The following MRPS18C variants were observed in gnomAD, a reference collection of about 807,000 sequenced individuals.
MRPS18C encodes the protein mitochondrial ribosomal protein S18C, also known as small ribosomal subunit protein bS18m.
Under a neutral mutation model 21.0 loss-of-function variants are expected in MRPS18C, and 21 were observed. The observed-to-expected ratio is 1.00, with a 90% CI of 0.71 to 1.44. The LOEUF (loss-of-function observed/expected upper bound fraction) is 1.44, where lower values mean the gene tolerates loss of function less well. Ranked by LOEUF, MRPS18C falls within the 40% of genes most tolerant of loss-of-function variation. The probability of loss-of-function intolerance (pLI) is 0.00; values close to 1 mark genes in which losing one functional copy is unlikely to be tolerated. For synonymous variants in MRPS18C, 65 were observed against 54.3 expected, an observed-to-expected ratio of 1.20 and a Z score of -0.87; for missense variants, 152 against 171.5, an observed-to-expected ratio of 0.89 and a Z score of 0.64.
intron 4 of MRPS18C, 90 bp from the exon 5 acceptor site, chr4:83,460,883 G>C: frequency 9.1e-7 from 1 of 1,099,518 alleles, no homozygotes; most frequent in East Asian, 2.4e-5. Context: ...TCCAGCCTGG[G>C]TGACACAGGG....
intron 1 of MRPS18C, 60 bp downstream of exon 1, chr4:83,456,237 T>C (rs761958243): frequency 1.2e-5 from 17 of 1,381,582 alleles, no homozygotes; most frequent in Middle Eastern, 3.6e-4. Context: ...TTAGTCCTAA[T>C]GGTTAGAGTC....
At chr4:83,460,916 A>T in intron 4 of MRPS18C, 57 bp from the exon 5 acceptor site, 2 of 1,447,500 alleles carry the variant, frequency 1.4e-6, no homozygotes, top group Non-Finnish European at 1.9e-6. Flanking sequence ...AAAAAAAAAA[A>T]TTGCAAACTT....
intron 4 of MRPS18C, chr4:83,460,733 G>A (rs1260921438): frequency 4.7e-6 from 2 of 423,980 alleles, no homozygotes; most frequent in East Asian, 4.8e-5. Context: ...GTGAAACCCC[G>A]TTTCTACTAC....
chr4:83,461,516 T>A lies in MRPS18C; in HGVS notation c.*319T>A. Reference sequence around the variant, plus strand: ...ATTTTCCAACTAGCAAATATAAGTATGCCTGGTTAAGATATCTTCCCTTTG... The same window carrying A: ...ATTTTCCAACTAGCAAATATAAGTAAGCCTGGTTAAGATATCTTCCCTTTG... On this transcript the variant is annotated 3_prime_UTR_variant, in exon 6 of 6. Coordinates refer to ENST00000295491, the MANE Select transcript of MRPS18C (RefSeq NM_016067.4). 1 of 333,724 alleles carries A rather than the reference T, an allele frequency of 3.0e-6. No homozygotes were observed. The highest frequency in any genetic ancestry group is 5.7e-6 in the Non-Finnish European group (1 of 176,618). 20.7% of individuals were successfully genotyped at this position (333,724 alleles called of 1,614,324 possible). A position where few individuals can be genotyped will look rare whatever the true frequency, so the allele number is the denominator to read the frequency against.
chr4:83,458,039 A>G (rs1442938010), intron 2 of MRPS18C: 1 of 279,796 alleles, frequency 3.6e-6, no homozygotes, highest in Non-Finnish European at 6.7e-6. Flanking sequence ...TTGTGTTGTA[A>G]GTTTCCTTAA....
rs1721805736 is a variant in MRPS18C at position 83,456,122 on chromosome 4, G to A, written c.45G>A (p.Lys15=). The A allele has an allele frequency of 1.2e-6, 2 of 1,613,292 alleles. No homozygotes were observed. The highest frequency in any genetic ancestry group is 1.7e-6 in the Non-Finnish European group (2 of 1,180,024). Residue 15 remains lysine (K), a synonymous_variant, in exon 1 of 6, where the codon AAG becomes AAA. Coordinates refer to ENST00000295491, the MANE Select transcript of MRPS18C (RefSeq NM_016067.4). ...TTTGCGGTGGTCTAGGGAGGAAGAAGTTGACACACTTGGTAACGGCTGCTG... is the reference window on the plus strand; with the variant it reads ...TTTGCGGTGGTCTAGGGAGGAAGAAATTGACACACTTGGTAACGGCTGCTG... ...VAVCGGLGRK[K]LTHLVTAAVS... is the part of the protein sequence containing the mutation.
Position 83,458,416 on chromosome 4 carries a change from A to C in MRPS18C, c.221A>C (p.Tyr74Ser). The change falls in exon 3 of 6, where the codon TAT becomes TCT. Residue 74 changes from tyrosine (Y) to serine (S), a missense_variant. Physicochemically the swap from Tyr to Ser is moderately radical, Grantham distance 144 (BLOSUM62 -2). This residue lies in a region of MRPS18C where 118 missense variants were observed against 104.4 expected (regional missense o/e 1.13). Coordinates refer to ENST00000295491, the MANE Select transcript of MRPS18C (RefSeq NM_016067.4). ...KCILCGKHVD[Y>S]KNVQLLSQFV... ...ATCTTGTGTGGAAAGCATGTAGATT[A>C]TAAGAATGTACAGGTGAGATCTGGT... 6.3e-7 allele frequency: 1 copy of C among 1,590,828 alleles called. No homozygotes were observed. Among genetic ancestry groups the C allele is most frequent in the Non-Finnish European group, 8.6e-7 (1 of 1,160,864 alleles).
chr4:83,457,032 T>TGG lies in MRPS18C; in HGVS notation c.150+75_150+76dup, dbSNP rs554795386. On this transcript the variant is annotated intron_variant, in intron 2 of 5. Transcript: ENST00000295491. ...ATGTTTTTCTTTTTAAAACGAGATC[T>TGG]GGTATTAGACTCTAACATCTTTTAT... The TGG allele has an allele frequency of 2.1e-3, 2,771 of 1,291,322 alleles. 52 individuals are homozygous for TGG. The highest frequency in any genetic ancestry group is 2.8e-4 in the Non-Finnish European group (253 of 899,810). 80.0% of individuals were successfully genotyped at this position (1,291,322 alleles called of 1,614,324 possible). A position where few individuals can be genotyped will look rare whatever the true frequency, so the allele number is the denominator to read the frequency against.
chr4:83,458,332 G>T lies in MRPS18C; in HGVS notation c.151-14G>T. On this transcript the variant is annotated splice_polypyrimidine_tract_variant and intron_variant, in intron 2 of 5. Transcript: ENST00000295491. ...AACACATCCTATTATCAGACTTTTC[G>T]TTTTTTTCCCTAGCCCATTTCAATG... The T allele has an allele frequency of 6.4e-7, 1 of 1,554,658 alleles. No homozygotes were observed.
Position 83,456,124 on chromosome 4 carries a change from T to A in MRPS18C, c.47T>A (p.Leu16Ter). 1 of 1,613,210 alleles carries A rather than the reference T, an allele frequency of 6.2e-7. No homozygotes were observed. Among genetic ancestry groups the A allele is most frequent in the Non-Finnish European group, 8.5e-7 (1 of 1,179,992 alleles). Residue 16 changes from leucine (L) to a stop codon, truncating the protein, a stop_gained, in exon 1 of 6, where the codon TTG becomes TAG. Coordinates refer to ENST00000295491, the MANE Select transcript of MRPS18C (RefSeq NM_016067.4). LOFTEE classifies it high-confidence loss of function. Reference sequence around the variant, plus strand: ...TGCGGTGGTCTAGGGAGGAAGAAGTTGACACACTTGGTAACGGCTGCTGTC... The same window carrying A: ...TGCGGTGGTCTAGGGAGGAAGAAGTAGACACACTTGGTAACGGCTGCTGTC... ...AVCGGLGRKK[L>*]THLVTAAVSL...
chr4:83,458,770 A>C (rs1721962318), intron 3 of MRPS18C: 2 of 196,806 alleles, frequency 1.0e-5, no homozygotes, highest in Non-Finnish European at 2.0e-5. Context: ...CACCCATATC[A>C]CTGATTCACA....
Position 83,460,970 on chromosome 4 carries a change from C to T in MRPS18C, c.293-3C>T. 1.9e-6 allele frequency: 3 copies of T among 1,593,816 alleles called. No individual in the cohort carries two copies. In the South Asian group the frequency reaches 3.5e-5, roughly 18 times the overall value. ...ATGAATAAGAAAGCTTTTTATTTTACAGGTCTTTGTGGGAAGAAACAGAAA... is the reference window on the plus strand; with the variant it reads ...ATGAATAAGAAAGCTTTTTATTTTATAGGTCTTTGTGGGAAGAAACAGAAA... On this transcript the variant is annotated splice_region_variant and splice_polypyrimidine_tract_variant and intron_variant, in intron 4 of 5. Transcript: ENST00000295491.
In MRPS18C at chr4:83,456,191, A is replaced by AT. The variant is rs775282144; in HGVS notation, c.100+15dup. The AT allele has an allele frequency of 2.0e-5, 32 of 1,607,488 alleles. No homozygotes were observed. In the African/African-American group the frequency reaches 2.9e-4, roughly 15 times the overall value. On this transcript the variant is annotated intron_variant, in intron 1 of 5. Coordinates refer to ENST00000295491, the MANE Select transcript of MRPS18C (RefSeq NM_016067.4). Reference sequence around the variant, plus strand: ...GGACTCACACGGGTAAAGTCTCCATATCCTATGCTCCATTGTAGCGCTGCA... The same window carrying AT: ...GGACTCACACGGGTAAAGTCTCCATATTCCTATGCTCCATTGTAGCGCTGCA...
In MRPS18C at chr4:83,461,309, A is replaced by T. The variant is rs1360533536; in HGVS notation, c.*112A>T. 1.2e-6 allele frequency: 1 copy of T among 840,422 alleles called. No homozygotes were observed. Among genetic ancestry groups the T allele is most frequent in the Non-Finnish European group, 2.0e-6 (1 of 498,840 alleles). 52.1% of individuals were successfully genotyped at this position (840,422 alleles called of 1,614,324 possible). A position where few individuals can be genotyped will look rare whatever the true frequency, so the allele number is the denominator to read the frequency against. ...AAAGTGTTTGAGGAGTGAGGTAAAG[A>T]ATGACACTTCCCCTTCATACCAATG... On this transcript the variant is annotated 3_prime_UTR_variant, in exon 6 of 6. Coordinates refer to ENST00000295491, the MANE Select transcript of MRPS18C (RefSeq NM_016067.4).
chr4:83,458,953 C>T (rs1721968817), intron 3 of MRPS18C: 1 of 152,784 alleles, frequency 6.5e-6, no homozygotes, highest in South Asian at 2.1e-4. Context: ...TGAGACCAGC[C>T]TGGCCAATGT....
In MRPS18C at chr4:83,461,808, A is replaced by C. The variant is rs1355389019; in HGVS notation, c.*611A>C. On this transcript the variant is annotated 3_prime_UTR_variant, in exon 6 of 6. Transcript: ENST00000295491. ...TGCAAAGGACTCTAAACTAGGGGAG[A>C]GATTACTGTTTGTGTTGTGTTATAG... 1 of 228,774 alleles carries C rather than the reference A, an allele frequency of 4.4e-6. No homozygotes were observed. Among genetic ancestry groups the C allele is most frequent in the African/African-American group, 2.2e-5 (1 of 45,100 alleles). 14.2% of individuals were successfully genotyped at this position (228,774 alleles called of 1,614,324 possible). A position where few individuals can be genotyped will look rare whatever the true frequency, so the allele number is the denominator to read the frequency against.
chr4:83,456,171 C>T lies in MRPS18C; in HGVS notation c.94C>T (p.His32Tyr), dbSNP rs763804518. 64 of 1,613,214 alleles carry T rather than the reference C, an allele frequency of 4.0e-5. No individual in the cohort carries two copies. The highest frequency in any genetic ancestry group is 5.2e-5 in the Non-Finnish European group (61 of 1,179,348). The change falls in exon 1 of 6, where the codon CAC (histidine) becomes TAC (tyrosine). Residue 32 changes from histidine to tyrosine, a missense_variant. His to Tyr is a moderately conservative substitution (Grantham distance 83). Coordinates refer to ENST00000295491, the MANE Select transcript of MRPS18C (RefSeq NM_016067.4). ...AAVSLTHPGT[H>Y]TVLWRRGCSQ... The stretch of plus-strand genomic sequence containing the variant: ...TGTCAGCCTTACACATCCCGGGACT[C>T]ACACGGGTAAAGTCTCCATATCCTA...
Position 83,461,901 on chromosome 4 carries a change from T to C in MRPS18C, c.*704T>C. ...TAGGACAAATTTAAATTTTAGATGA[T>C]GTTTTGCAAATTTATTGCATGATAT... On this transcript the variant is annotated 3_prime_UTR_variant, in exon 6 of 6. Coordinates refer to ENST00000295491, the MANE Select transcript of MRPS18C (RefSeq NM_016067.4). 1 of 229,010 alleles carries C rather than the reference T, an allele frequency of 4.4e-6. No individual in the cohort carries two copies. The highest frequency in any genetic ancestry group is 1.3e-3 in the Middle Eastern group (1 of 754). The allele number at this position is 229,010 out of a possible 1,614,324, so 14.2% of individuals were successfully genotyped here.
chr4:83,461,348 T>C lies in MRPS18C; in HGVS notation c.*151T>C, dbSNP rs1434807259. On this transcript the variant is annotated 3_prime_UTR_variant, in exon 6 of 6. Transcript: ENST00000295491. ...TTCATACCAATGTCCATTAAGCAGA[T>C]TGCTTATTTAAAATGTTAACACTCA... 3 of 632,026 alleles carry C rather than the reference T, an allele frequency of 4.7e-6. No individual in the cohort carries two copies. Among genetic ancestry groups the C allele is most frequent in the South Asian group, 3.7e-5 (2 of 54,730 alleles). 39.2% of individuals were successfully genotyped at this position (632,026 alleles called of 1,614,324 possible). A position where few individuals can be genotyped will look rare whatever the true frequency, so the allele number is the denominator to read the frequency against.
Sources: gnomAD v4.1 joint callset for allele counts on GRCh38, gnomAD v4.1.1 for gene constraint, gnomAD v4.1.1 regional missense constraint, MANE v1.5 for transcripts, NCBI Gene and HGNC (gene_info 2026-07-23, HGNC 2026-07-21) for gene names.